Variants in ZNF385B observed in about 807,000 individuals in gnomAD.
The protein encoded by ZNF385B is zinc finger protein 533.
ZNF385B carries 23 observed loss-of-function variants against 39.2 expected under a neutral mutation model. The observed-to-expected ratio is 0.59, with a 90% CI of 0.42 to 0.83. The LOEUF is 0.83. ZNF385B is among the 40% of genes least tolerant of loss of function. The pLI is 0.00. For synonymous variants in ZNF385B, 205 were observed against 222.6 expected (o/e 0.92, Z 0.70); for missense variants, 552 against 598.9 (o/e 0.92, Z 0.82).
chr2:179,654,293 C>CATT (rs1213374250), intron 3 of ZNF385B, among the ~76,000 whole-genome samples: 10 of 152,050 alleles, frequency 6.6e-5, no homozygotes, highest in Admixed American at 6.6e-4. Flanking sequence ...TAGAGTAAAA[C>CATT]ATTAAGAAGT....
intron 3 of ZNF385B, among the ~76,000 whole-genome samples, chr2:179,688,517 C>CAACAAA (rs1033173711): frequency 1.4e-5 from 2 of 139,500 alleles, no homozygotes; most frequent in African/African-American, 5.4e-5. Flanking sequence ...ACAACAACAA[C>CAACAAA]AAAAACAGAA....
At chr2:179,487,238 C>A (rs2054671684) in intron 5 of ZNF385B, among the ~76,000 whole-genome samples, 2 of 152,246 alleles carry the variant, frequency 1.3e-5, no homozygotes, top group Non-Finnish European at 2.9e-5. Context: ...TAGCCATGAT[C>A]CACTTCTGCT....
Position 179,609,018 on chromosome 2 carries a change from ATAT to A in ZNF385B, c.299-64052_299-64050del, listed in dbSNP as rs571099625. The stretch of plus-strand genomic sequence containing the variant: ...TATAGAAATATAATGCCTAATAATA[ATAT>A]TAAGGTAAATGGGATATCCATCACC... On this transcript the variant is annotated intron_variant, in intron 3 of 9. Transcript: ENST00000410066. Among the ~76,000 whole-genome samples the A allele has an allele frequency of 2.0e-4, 31 of 152,154 alleles. 1 individual carries two copies. The South Asian group carries it at 6.5e-3, about 32-fold the overall frequency.
chr2:179,640,023 C>A lies in ZNF385B; in HGVS notation c.299-95054G>T, dbSNP rs1042558555. ...ATCTAATCATGAGGAAAGAATCAAA[C>A]AAATCCAAAAGGAAGGACATTTTGC... On this transcript the variant is annotated intron_variant, in intron 3 of 9. Coordinates refer to ENST00000410066, the MANE Select transcript of ZNF385B (RefSeq NM_152520.6). Among the ~76,000 whole-genome samples the A allele has an allele frequency of 7.7e-4, 117 of 151,990 alleles. 1 individual carries two copies. The highest frequency in any genetic ancestry group is 2.8e-4 in the Non-Finnish European group (19 of 67,968).
At chr2:179,678,604 C>A (rs140767394) in intron 3 of ZNF385B, among the ~76,000 whole-genome samples, 4 of 152,290 alleles carry the variant, frequency 2.6e-5, no homozygotes, top group African/African-American at 4.8e-5. Context: ...TCATGCCAGA[C>A]ACAGATGATT....
chr2:179,657,444 C>T (rs1693916176), intron 3 of ZNF385B, among the ~76,000 whole-genome samples: 1 of 152,166 alleles, frequency 6.6e-6, no homozygotes, highest in African/African-American at 2.4e-5. Flanking sequence ...GAATAGAAGG[C>T]AGAAATGAAT....
chr2:179,815,796 T>C (rs1178216631), intron 1 of ZNF385B, among the ~76,000 whole-genome samples: 1 of 152,166 alleles, frequency 6.6e-6, no homozygotes, highest in East Asian at 1.9e-4. Context: ...TTCTTGAAAA[T>C]TATAATGTAT....
chr2:179,752,328 C>A (rs1362605932), intron 3 of ZNF385B, among the ~76,000 whole-genome samples: 1 of 152,196 alleles, frequency 6.6e-6, no homozygotes, highest in Non-Finnish European at 1.5e-5. Flanking sequence ...TTAATCCAGT[C>A]TATCATTGAT....
chr2:179,804,262 C>T (rs892068378), intron 1 of ZNF385B, among the ~76,000 whole-genome samples: 1 of 151,460 alleles, frequency 6.6e-6, no homozygotes, highest in Non-Finnish European at 1.5e-5. Flanking sequence ...CTTCACTTGA[C>T]CTACACCTCC....
At chr2:179,671,668 A>G (rs1326383165) in intron 3 of ZNF385B, among the ~76,000 whole-genome samples, 1 of 152,216 alleles carries the variant, frequency 6.6e-6, no homozygotes, top group Non-Finnish European at 1.5e-5. Flanking sequence ...ACAGGCACAC[A>G]TGAAACTTCA....
rs372093398 is a variant in ZNF385B at position 179,566,914 on chromosome 2, C to CTTTT, written c.299-21949_299-21946dup. The stretch of plus-strand genomic sequence containing the variant: ...CTATATAATCTTTTTCTTTTCTTTT[C>CTTTT]TTTTTTTTTTTTTTTTTTGAGACGG... On this transcript the variant is annotated intron_variant, in intron 3 of 9. Coordinates refer to ENST00000410066, the MANE Select transcript of ZNF385B (RefSeq NM_152520.6). Among the ~76,000 whole-genome samples the CTTTT allele has an allele frequency of 5.3e-5, 7 of 131,622 alleles. 1 individual carries two copies. The highest frequency in any genetic ancestry group is 1.2e-4 in the Non-Finnish European group (7 of 60,796). 86.3% of individuals were successfully genotyped at this position (131,622 alleles called of 152,430 possible).
chr2:179,491,870 A>T (rs1027379379), intron 5 of ZNF385B, among the ~76,000 whole-genome samples: 3 of 151,784 alleles, frequency 2.0e-5, no homozygotes, highest in African/African-American at 7.3e-5. Context: ...GGCTATTTTT[A>T]AAAAATTTTT....
chr2:179,740,292 T>C (rs1052610375), intron 3 of ZNF385B, among the ~76,000 whole-genome samples: 3 of 152,112 alleles, frequency 2.0e-5, no homozygotes, highest in Admixed American at 2.0e-4. Context: ...AATTCACACA[T>C]CAAATTTGAA....
At chr2:179,802,314 C>T (rs751688229) in intron 1 of ZNF385B, among the ~76,000 whole-genome samples, 3 of 152,040 alleles carry the variant, frequency 2.0e-5, no homozygotes, top group Non-Finnish European at 2.9e-5. Context: ...ATTTAAAATG[C>T]TACATTCCTT....
chr2:179,699,100 TA>T (rs1698979027), intron 3 of ZNF385B, among the ~76,000 whole-genome samples: 1 of 98,946 alleles, frequency 1.0e-5, no homozygotes, highest in Non-Finnish European at 2.0e-5. Context: ...GGGAGACAAT[TA>T]AAAATTTTGT....
intron 3 of ZNF385B, among the ~76,000 whole-genome samples, chr2:179,634,079 AT>A (rs1267753609): frequency 6.6e-6 from 1 of 152,226 alleles, no homozygotes; most frequent in Non-Finnish European, 1.5e-5. Context: ...AAAGACTTAA[AT>A]GTTAGACCTA....
At chr2:179,592,101 T>C (rs1021318274) in intron 3 of ZNF385B, among the ~76,000 whole-genome samples, 1 of 152,202 alleles carries the variant, frequency 6.6e-6, no homozygotes, top group Non-Finnish European at 1.5e-5. Context: ...GAAGAATAAA[T>C]AGCTACGAAT....
At chr2:179,597,058 C>A (rs1688056698) in intron 3 of ZNF385B, among the ~76,000 whole-genome samples, 1 of 152,112 alleles carries the variant, frequency 6.6e-6, no homozygotes, top group African/African-American at 2.4e-5. Context: ...ATTTGTTTCC[C>A]ATATCTTACT....
rs114643301 is a variant in ZNF385B, at chr2:179,526,878, C to T, written c.442-8240G>A. 8.9e-3 allele frequency among the ~76,000 whole-genome samples: 1,362 copies of T among 152,338 alleles called. 27 individuals are homozygous for T. Among genetic ancestry groups the T allele is most frequent in the African/African-American group, 0.031 (1,288 of 41,570 alleles). The stretch of plus-strand genomic sequence containing the variant: ...ATGGTTTCTTCAAGAATCCCCAGCT[C>T]TTTGCTGAAACCACATATTGGTTGT... On this transcript the variant is annotated intron_variant, in intron 4 of 9. Coordinates refer to ENST00000410066, the MANE Select transcript of ZNF385B (RefSeq NM_152520.6).
Sources: allele counts gnomAD v4.1 joint callset (sites outside exome capture counted in the v4.1 genomes callset), GRCh38; gene constraint gnomAD v4.1.1; transcripts MANE v1.5; gene names NCBI Gene and HGNC (gene_info 2026-07-23, HGNC 2026-07-21).